The following EZR variants were observed in gnomAD, a reference collection of about 807,000 sequenced individuals.
The protein encoded by EZR is cytovillin 2.
In EZR, 40 loss-of-function variants were observed where a neutral mutation model predicts 74.8. That is an observed-to-expected ratio of 0.53 (90% CI 0.42 to 0.70). The LOEUF (loss-of-function observed/expected upper bound fraction) is 0.70. Ranked by LOEUF, EZR falls within the 30% of genes least tolerant of loss-of-function variation. The probability of loss-of-function intolerance (pLI) is 0.00; values close to 1 mark genes in which losing one functional copy is unlikely to be tolerated. For missense variants in EZR, 678 were observed against 755.8 expected (o/e 0.90, Z 1.21); for synonymous variants, 341 against 283.3 (o/e 1.20, Z -2.05).
rs184224838 is a variant in EZR, at chr6:158,804,015, T to A, written c.12+14067A>T. On this transcript the variant is annotated intron_variant, in intron 2 of 13. Coordinates refer to ENST00000367075, the MANE Select transcript of EZR (RefSeq NM_001111077.2). ...TCTGGGAGGCAGAAAGGAGCTGCTT[T>A]CCATAGGTCTGACAATGAAATGACT... 1.6e-3 allele frequency among the ~76,000 whole-genome samples: 248 copies of A among 152,260 alleles called. 1 individual carries two copies. The highest frequency in any genetic ancestry group is 5.7e-3 in the African/African-American group (237 of 41,552).
chr6:158,772,129 C>T (rs1340587461), intron 8 of EZR, among the ~76,000 whole-genome samples: 4 of 152,228 alleles, frequency 2.6e-5, no homozygotes, highest in African/African-American at 9.6e-5. Context: ...AGGTACTCGC[C>T]GCAGTGGCAC....
At position 158,769,374 on chromosome 6, in the gene EZR, T is replaced by C. The variant is rs759967582; in HGVS notation, c.1296A>G (p.Glu432=). The C allele has an allele frequency of 5.0e-6, 8 of 1,609,286 alleles. No homozygotes were observed. The African/African-American group carries it at 9.3e-5, about 19-fold the overall frequency. Residue 432 remains glutamate, a synonymous_variant, in exon 12 of 14, where the codon GAA becomes GAG. Transcript: ENST00000367075. ...AEYTAKIALL[E]EARRRKEDEV... ...CATCCTCCTTGCGCCTCCGCGCCTC[T>C]TCCAGGAGGGCAATCTTGGCAGTGT... is the stretch of plus-strand genomic sequence containing the variant.
At chr6:158,800,508 A>C (rs1422950321) in intron 2 of EZR, among the ~76,000 whole-genome samples, 3 of 152,250 alleles carry the variant, frequency 2.0e-5, no homozygotes, top group African/African-American at 7.2e-5. Context: ...CAGTATAAAT[A>C]CATGACGCTA....
At position 158,798,748 on chromosome 6, in the gene EZR, T is replaced by C. The variant is rs143850166; in HGVS notation, c.13-9377A>G. ...CAGGGTTCAAGAGATTCTCCCACCT[T>C]AGCCTCCTTAGCTGGGACCACAGGC... is the stretch of plus-strand genomic sequence containing the variant. On this transcript the variant is annotated intron_variant, in intron 2 of 13. Coordinates refer to ENST00000367075, the MANE Select transcript of EZR (RefSeq NM_001111077.2). Among the ~76,000 whole-genome samples, 15 of 151,318 alleles carry C rather than the reference T, an allele frequency of 9.9e-5. 1 individual carries two copies. The Middle Eastern group carries it at 0.014, about 137-fold the overall frequency.
chr6:158,768,093 C>A (rs1194761596), intron 12 of EZR, among the ~76,000 whole-genome samples: 5 of 151,940 alleles, frequency 3.3e-5, no homozygotes, highest in African/African-American at 1.2e-4. Flanking sequence ...ACCTGTAATC[C>A]CCCCATGCTG....
At chr6:158,800,741 G>A (rs1010974780) in intron 2 of EZR, among the ~76,000 whole-genome samples, 1 of 152,158 alleles carries the variant, frequency 6.6e-6, no homozygotes, top group Non-Finnish European at 1.5e-5. Flanking sequence ...GGTGGAGGCT[G>A]CAGTGTGCCG....
chr6:158,772,661 T>G (rs1246507648), intron 8 of EZR, among the ~76,000 whole-genome samples: 1 of 152,182 alleles, frequency 6.6e-6, no homozygotes, highest in Non-Finnish European at 1.5e-5. Flanking sequence ...TGTGATTAGC[T>G]TACAAGACAG....
rs2128566022 is a variant in EZR at position 158,770,772 on chromosome 6, G to A, written c.1082C>T (p.Ala361Val). The A allele has an allele frequency of 6.2e-7, 1 of 1,614,096 alleles. No individual in the cohort carries two copies. The highest frequency in any genetic ancestry group is 8.5e-7 in the Non-Finnish European group (1 of 1,180,010). The change falls in exon 10 of 14, where the codon GCA becomes GTA. Residue 361 changes from alanine to valine, a missense_variant. By Grantham distance (64) the Ala-to-Val change is moderately conservative (BLOSUM62 0). This residue lies in a region of EZR where 342 missense variants were observed against 341.2 expected (regional missense o/e 1.00). Transcript: ENST00000367075. Reference sequence around the variant, plus strand: ...GCCCCAGGGCGCCTGACCTCTCTCTGCCTTCTTTGTCTTCTCCTCATAGTC... The same window carrying A: ...GCCCCAGGGCGCCTGACCTCTCTCTACCTTCTTTGTCTTCTCCTCATAGTC... Reference protein sequence around the residue: ...LQDYEEKTKKAERELSEQIQR... With the variant: ...LQDYEEKTKKVERELSEQIQR...
At chr6:158,785,212 G>GT in intron 5 of EZR, 97 bp downstream of exon 5, 1 of 1,479,452 alleles carries the variant, frequency 6.8e-7, no homozygotes. Flanking sequence ...CACTGGCGAA[G>GT]TCCTTGTGTT....
chr6:158,792,752 T>C (rs945287699), intron 2 of EZR, among the ~76,000 whole-genome samples: 7 of 151,160 alleles, frequency 4.6e-5, no homozygotes, highest in African/African-American at 1.7e-4. Flanking sequence ...GAGGTGGAGC[T>C]TGCAGTGAGC....
At chr6:158,803,606 CATATATATATATATAT>C (rs60330512) in intron 2 of EZR, among the ~76,000 whole-genome samples, 2,855 of 35,932 alleles carry the variant, frequency 0.079, 336 homozygotes, top group African/African-American at 0.18. Flanking sequence ...TATATATATA[CATATATATATATATAT>C]ATACATATAC....
chr6:158,769,864 C>T lies in EZR; in HGVS notation c.1171G>A (p.Ala391Thr), dbSNP rs1401595701. 6.2e-6 allele frequency: 10 copies of T among 1,613,890 alleles called. No homozygotes were observed. The highest frequency in any genetic ancestry group is 7.6e-6 in the Non-Finnish European group (9 of 1,180,036). The change falls in exon 11 of 14, where the codon GCT (alanine) becomes ACT (threonine). Residue 391 changes from alanine to threonine, a missense_variant. By Grantham distance (58) the Ala-to-Thr change is moderately conservative. Coordinates refer to ENST00000367075, the MANE Select transcript of EZR (RefSeq NM_001111077.2). Reference sequence around the variant, plus strand: ...GCCCGCAGTGCAGCCATACGGTCAGCCTCTAGGCGCTCGGCCTCCTCCTGT... The same window carrying T: ...GCCCGCAGTGCAGCCATACGGTCAGTCTCTAGGCGCTCGGCCTCCTCCTGT... ...RAQEEAERLE[A>T]DRMAALRAKE...
chr6:158,777,726 T>A (rs2128568032), intron 7 of EZR, among the ~76,000 whole-genome samples: 1 of 151,978 alleles, frequency 6.6e-6, no homozygotes, highest in East Asian at 1.9e-4. Context: ...GGCAGTGGGG[T>A]GGACTCTGTA....
At chr6:158,768,681 C>T (rs142476906) in intron 12 of EZR, among the ~76,000 whole-genome samples, 65 of 152,260 alleles carry the variant, frequency 4.3e-4, no homozygotes, top group African/African-American at 9.6e-4. Flanking sequence ...GCTCTGTGTG[C>T]GTCCCACAAT....
At chr6:158,769,694 T>G in intron 11 of EZR, 90 bp downstream of exon 11, 1 of 1,526,222 alleles carries the variant, frequency 6.6e-7, no homozygotes, top group South Asian at 1.2e-5. Context: ...CTTCCAGTCA[T>G]GACAATTATT....
intron 2 of EZR, among the ~76,000 whole-genome samples, chr6:158,805,616 AATCAGTAATCT>A (rs1167057606): frequency 5.3e-5 from 8 of 152,150 alleles, no homozygotes; most frequent in Admixed American, 2.0e-4. Context: ...ATCCAAACTA[AATCAGTAATCT>A]TACAAAATTT....
rs1216603272 is a variant in EZR at position 158,810,853 on chromosome 6, T to G, written c.12+7229A>C. Among the ~76,000 whole-genome samples the G allele has an allele frequency of 3.3e-5, 5 of 152,354 alleles. No homozygotes were observed. The East Asian group carries it at 9.6e-4, about 29-fold the overall frequency. Reference sequence around the variant, plus strand: ...GTTTGGATTTCACTGATAAAAACTTTGTCTCCGTTTATCTTATGTAACATT... The same window carrying G: ...GTTTGGATTTCACTGATAAAAACTTGGTCTCCGTTTATCTTATGTAACATT... On this transcript the variant is annotated intron_variant, in intron 2 of 13. Coordinates refer to ENST00000367075, the MANE Select transcript of EZR (RefSeq NM_001111077.2).
chr6:158,806,709 G>C (rs1192321046), intron 2 of EZR, among the ~76,000 whole-genome samples: 1 of 152,060 alleles, frequency 6.6e-6, no homozygotes, highest in Non-Finnish European at 1.5e-5. Context: ...GTTATATAAT[G>C]CACCTTGTTA....
chr6:158,798,248 C>CT (rs1777114437), intron 2 of EZR, among the ~76,000 whole-genome samples: 1 of 107,308 alleles, frequency 9.3e-6, no homozygotes, highest in Non-Finnish European at 2.4e-5. Context: ...TAACTTGCTC[C>CT]TTGTTGCTTT....
Sources: gnomAD v4.1 joint callset for allele counts (sites outside exome capture counted in the v4.1 genomes callset) on GRCh38, gnomAD v4.1.1 for gene constraint, gnomAD v4.1.1 regional missense constraint, MANE v1.5 for transcripts, NCBI Gene and HGNC (gene_info 2026-07-23, HGNC 2026-07-21) for gene names.